Variants in TLL1 observed in about 807,000 individuals in gnomAD.
The protein encoded by TLL1 is tolloid-like protein 1.
Under a neutral mutation model 128.2 loss-of-function variants are expected in TLL1, and 49 were observed. That is an observed-to-expected ratio of 0.38 (90% CI 0.30 to 0.48). The LOEUF is 0.48. TLL1 is among the 20% of genes least tolerant of loss of function. The probability of loss-of-function intolerance (pLI) is 0.96; values close to 1 mark genes in which losing one functional copy is unlikely to be tolerated. For missense variants in TLL1, 1,123 were observed against 1,242.0 expected (o/e 0.90, Z 1.44); for synonymous variants, 454 against 418.8 (o/e 1.08, Z -1.03).
chr4:166,008,518 A>G (rs1560807636), intron 7 of TLL1, among the ~76,000 whole-genome samples: 1 of 151,568 alleles, frequency 6.6e-6, no homozygotes, highest in Non-Finnish European at 1.5e-5. Flanking sequence ...CTTACACTCA[A>G]AAATTGATAT....
intron 15 of TLL1, among the ~76,000 whole-genome samples, chr4:166,060,964 C>G (rs909344206): frequency 6.6e-6 from 1 of 152,150 alleles, no homozygotes; most frequent in African/African-American, 2.4e-5. Context: ...ACTTCCTTTG[C>G]ATCCTTTTCT....
intron 1 of TLL1, among the ~76,000 whole-genome samples, chr4:165,883,780 G>A (rs1731061142): frequency 6.6e-6 from 1 of 152,142 alleles, no homozygotes; most frequent in South Asian, 2.1e-4. Flanking sequence ...TTTCAATTGA[G>A]AAGATAAATC....
In TLL1 at chr4:166,100,724, G is replaced by GT. The variant is rs1161071923; in HGVS notation, c.2908-13dup. 1 of 1,612,294 alleles carries GT rather than the reference G, an allele frequency of 6.2e-7. No individual in the cohort carries two copies. The highest frequency in any genetic ancestry group is 8.5e-7 in the Non-Finnish European group (1 of 1,178,954). ...TTTATTGCTTGTTTACTTGCTTGTT[G>GT]TTTTTGTTTTCCTTCAGCCACCAGA... On this transcript the variant is annotated splice_polypyrimidine_tract_variant and intron_variant, in intron 20 of 20. Transcript: ENST00000061240.
At chr4:165,919,370 G>A (rs1189021990) in intron 1 of TLL1, among the ~76,000 whole-genome samples, 2 of 135,656 alleles carry the variant, frequency 1.5e-5, no homozygotes, top group Admixed American at 1.6e-4. Flanking sequence ...GTGACAGAAT[G>A]AGACCCTGCT....
chr4:165,931,582 G>T (rs908456507), intron 1 of TLL1, among the ~76,000 whole-genome samples: 1 of 151,954 alleles, frequency 6.6e-6, no homozygotes, highest in African/African-American at 2.4e-5. Flanking sequence ...AGCCGGGTGT[G>T]GTGGTGGGCA....
chr4:166,011,380 A>C (rs1391541163), intron 7 of TLL1, among the ~76,000 whole-genome samples: 1 of 151,284 alleles, frequency 6.6e-6, no homozygotes, highest in Non-Finnish European at 1.5e-5. Flanking sequence ...GTTTTTTTCT[A>C]AGGTTTTTTT....
intron 18 of TLL1, among the ~76,000 whole-genome samples, chr4:166,082,496 G>A (rs76165999): frequency 0.064 from 9,742 of 151,844 alleles, 525 homozygotes; most frequent in African/African-American, 0.14. Flanking sequence ...CTATTATTGC[G>A]TATATCAGCC....
chr4:166,052,426 C>G (rs1021895410), intron 12 of TLL1, among the ~76,000 whole-genome samples: 4 of 152,074 alleles, frequency 2.6e-5, no homozygotes, highest in African/African-American at 4.8e-5. Flanking sequence ...TCCCAAGTAG[C>G]TGGGATTACA....
At chr4:166,073,756 A>T (rs1740898339) in intron 16 of TLL1, among the ~76,000 whole-genome samples, 1 of 152,166 alleles carries the variant, frequency 6.6e-6, no homozygotes, top group Non-Finnish European at 1.5e-5. Flanking sequence ...TTTGATGAAA[A>T]TATCTTCCCT....
At chr4:165,894,063 T>C (rs1731545118) in intron 1 of TLL1, among the ~76,000 whole-genome samples, 1 of 152,128 alleles carries the variant, frequency 6.6e-6, no homozygotes, top group Non-Finnish European at 1.5e-5. Flanking sequence ...GAATATCTTA[T>C]ATTATAACAC....
At chr4:165,965,444 T>A (rs1223272302) in intron 1 of TLL1, among the ~76,000 whole-genome samples, 29 of 152,186 alleles carry the variant, frequency 1.9e-4, no homozygotes, top group Non-Finnish European at 2.9e-5. Context: ...TGTGTTAAAT[T>A]GGGCACTTTA....
chr4:166,099,482 T>G lies in TLL1; in HGVS notation c.2862T>G (p.Gly954=), dbSNP rs1397491034. ...CGYDYVELFD[G]LDSTAVGLGR... is the part of the protein sequence containing the mutation. ...ATGACTATGTGGAGCTCTTTGATGG[T>G]CTTGATTCAACAGCTGTGGGGCTTG... is the stretch of plus-strand genomic sequence containing the variant. The change falls in exon 20 of 21, where the codon GGT becomes GGG. Residue 954 remains glycine, a synonymous_variant. Coordinates refer to ENST00000061240, the MANE Select transcript of TLL1 (RefSeq NM_012464.5). 6.2e-7 allele frequency: 1 copy of G among 1,613,436 alleles called. No individual in the cohort carries two copies. Among genetic ancestry groups the G allele is most frequent in the Non-Finnish European group, 8.5e-7 (1 of 1,179,612 alleles).
At chr4:166,001,633 T>C (rs1430933122) in intron 5 of TLL1, among the ~76,000 whole-genome samples, 1 of 151,858 alleles carries the variant, frequency 6.6e-6, no homozygotes, top group East Asian at 1.9e-4. Context: ...ACCCCATCTC[T>C]ACTAAAAATA....
intron 1 of TLL1, among the ~76,000 whole-genome samples, chr4:165,951,118 G>T (rs1458593323): frequency 1.3e-5 from 2 of 152,026 alleles, no homozygotes; most frequent in Admixed American, 1.3e-4. Flanking sequence ...AACTATGAAA[G>T]TTCTATGCAC....
intron 1 of TLL1, among the ~76,000 whole-genome samples, chr4:165,986,767 A>C (rs1249718397): frequency 1.3e-5 from 2 of 152,072 alleles, no homozygotes; most frequent in Non-Finnish European, 2.9e-5. Flanking sequence ...TGTGTTTGAT[A>C]TAATCCATCA....
In TLL1 at chr4:165,921,776, A is replaced by G. The variant is rs561711262; in HGVS notation, c.169+47703A>G. On this transcript the variant is annotated intron_variant, in intron 1 of 20. Coordinates refer to ENST00000061240, the MANE Select transcript of TLL1 (RefSeq NM_012464.5). ...TGTGTATAGTCACACTTCAGCTGAG[A>G]CTGTTCTGTGGTTTGAAACTCTTTA... Among the ~76,000 whole-genome samples, 4 of 152,234 alleles carry G rather than the reference A, an allele frequency of 2.6e-5. No homozygotes were observed. The South Asian group carries it at 6.2e-4, about 24-fold the overall frequency.
intron 1 of TLL1, among the ~76,000 whole-genome samples, chr4:165,983,744 A>C (rs1225641640): frequency 6.6e-6 from 1 of 151,620 alleles, no homozygotes; most frequent in Non-Finnish European, 1.5e-5. Flanking sequence ...TTCTTTCTTT[A>C]TTTTTTTCTT....
chr4:165,905,896 C>A (rs769436310), intron 1 of TLL1, among the ~76,000 whole-genome samples: 1 of 152,062 alleles, frequency 6.6e-6, no homozygotes, highest in Admixed American at 6.6e-5. Context: ...CCGTGAGACA[C>A]CCCACAAATG....
At chr4:165,877,226 T>G (rs193051282) in intron 1 of TLL1, among the ~76,000 whole-genome samples, 1 of 152,230 alleles carries the variant, frequency 6.6e-6, no homozygotes, top group Non-Finnish European at 1.5e-5. Context: ...GTTAATTTGA[T>G]AGGATTTTTA....
Sources: gnomAD v4.1 joint callset for allele counts (sites outside exome capture counted in the v4.1 genomes callset) on GRCh38, gnomAD v4.1.1 for gene constraint, MANE v1.5 for transcripts, NCBI Gene and HGNC (gene_info 2026-07-23, HGNC 2026-07-21) for gene names.